MARCHF5: variants seen among roughly 807,000 people sequenced by gnomAD.
MARCHF5 encodes E3 ubiquitin-protein ligase MARCHF5.
A neutral mutation model predicts 36.5 loss-of-function variants in MARCHF5; 5 were observed. The ratio of observed to expected loss-of-function variants is 0.14; its 90% confidence interval spans 0.07 to 0.29. The LOEUF (loss-of-function observed/expected upper bound fraction) is 0.29. MARCHF5 is among the 10% of genes least tolerant of loss of function. The pLI, the probability that MARCHF5 is intolerant of heterozygous loss-of-function variation, is 1.00. For synonymous variants in MARCHF5, 103 were observed against 109.9 expected, an observed-to-expected ratio of 0.94 and a Z score of 0.39; for missense variants, 179 against 336.3, an observed-to-expected ratio of 0.53 and a Z score of 3.66.
intron 1 of MARCHF5, among the ~76,000 whole-genome samples, chr10:92,304,787 T>C (rs1394019523): frequency 2.6e-5 from 4 of 152,162 alleles, no homozygotes; most frequent in Non-Finnish European, 4.4e-5. Context: ...CTCATTCAGA[T>C]TTACCGATCC....
intron 2 of MARCHF5, among the ~76,000 whole-genome samples, chr10:92,336,855 G>C (rs1287034284): frequency 6.6e-6 from 1 of 152,206 alleles, no homozygotes; most frequent in African/African-American, 2.4e-5. Flanking sequence ...TGGCCCAGTG[G>C]CTCACTGCTG....
At chr10:92,340,604 A>G in intron 2 of MARCHF5, 69 bp from the exon 3 acceptor site, 1 of 1,438,866 alleles carries the variant, frequency 6.9e-7, no homozygotes, top group Non-Finnish European at 9.4e-7. Flanking sequence ...GATCTATAGA[A>G]AATATCAAAC....
At position 92,340,824 on chromosome 10, in the gene MARCHF5, A is replaced by G. The variant is rs41313479; in HGVS notation, c.369+21A>G. Reference sequence around the variant, plus strand: ...TGCAGGTTCACTATTTTACCTATATAGTGATATTACTTGGTGTGAAGATCT... The same window carrying G: ...TGCAGGTTCACTATTTTACCTATATGGTGATATTACTTGGTGTGAAGATCT... On this transcript the variant is annotated intron_variant, in intron 3 of 5. Coordinates refer to ENST00000358935, the MANE Select transcript of MARCHF5 (RefSeq NM_017824.5). 9.5e-3 allele frequency: 14,935 copies of G among 1,571,306 alleles called. 92 individuals carry two copies. The highest frequency in any genetic ancestry group is 0.011 in the Non-Finnish European group (13,016 of 1,158,996).
At chr10:92,346,914 A>C (rs1029973245) in intron 3 of MARCHF5, among the ~76,000 whole-genome samples, 3 of 152,098 alleles carry the variant, frequency 2.0e-5, no homozygotes, top group African/African-American at 4.8e-5. Context: ...TTCTAAACCC[A>C]AAAAAAGGAC....
intron 5 of MARCHF5, 101 bp from the exon 6 acceptor site, chr10:92,350,990 G>A (rs1381572917): frequency 6.0e-6 from 4 of 664,152 alleles, no homozygotes; most frequent in East Asian, 2.7e-5. Flanking sequence ...AATTAGTTTA[G>A]CATCAAAGCC....
At chr10:92,305,230 A>ACC (rs1182095192) in intron 1 of MARCHF5, among the ~76,000 whole-genome samples, 1 of 151,838 alleles carries the variant, frequency 6.6e-6, no homozygotes, top group African/African-American at 2.4e-5. Context: ...AACAAGTGAA[A>ACC]CCCCGTCTCT....
chr10:92,317,900 G>A (rs549902521), intron 2 of MARCHF5, among the ~76,000 whole-genome samples: 4 of 151,924 alleles, frequency 2.6e-5, no homozygotes, highest in East Asian at 3.9e-4. Flanking sequence ...ACAGGCACAC[G>A]CCACCATGCC....
rs368408504 is a variant in MARCHF5, at chr10:92,319,590, G to A, written c.238+8253G>A. On this transcript the variant is annotated intron_variant, in intron 2 of 5. Transcript: ENST00000358935. ...ATTACAGGCGTGAGCCACCGCGCCC[G>A]GCCTCTACTTTACTTTTTATCATTA... 6.6e-5 allele frequency among the ~76,000 whole-genome samples: 10 copies of A among 151,698 alleles called. No homozygotes were observed. In the South Asian group the frequency reaches 1.7e-3, roughly 25 times the overall value.
chr10:92,331,278 T>A (rs1459822157), intron 2 of MARCHF5, among the ~76,000 whole-genome samples: 1 of 152,160 alleles, frequency 6.6e-6, no homozygotes, highest in Non-Finnish European at 1.5e-5. Flanking sequence ...CTGCTTGGTT[T>A]TACCTTGATT....
At chr10:92,348,318 G>A (rs779670302) in intron 3 of MARCHF5, among the ~76,000 whole-genome samples, 60 of 151,882 alleles carry the variant, frequency 4.0e-4, no homozygotes, top group Non-Finnish European at 6.5e-4. Flanking sequence ...ATGAAACCTC[G>A]TCTCTACTAA....
intron 1 of MARCHF5, among the ~76,000 whole-genome samples, chr10:92,296,659 T>C (rs1321166617): frequency 6.6e-6 from 1 of 152,140 alleles, no homozygotes; most frequent in Non-Finnish European, 1.5e-5. Context: ...TTTGTTGAGG[T>C]TGTTTTGCAT....
At position 92,322,368 on chromosome 10, in the gene MARCHF5, G is replaced by A. The variant is rs556734112; in HGVS notation, c.238+11031G>A. ...CCTTTCTTCCTTCTGCTTGATTTGG[G>A]TTTAGTTTGCTTTTCTCCTTTTAGT... is the stretch of plus-strand genomic sequence containing the variant. On this transcript the variant is annotated intron_variant, in intron 2 of 5. Transcript: ENST00000358935. 2.1e-5 allele frequency among the ~76,000 whole-genome samples: 3 copies of A among 145,964 alleles called. No homozygotes were observed. In the South Asian group the frequency reaches 6.5e-4, roughly 31 times the overall value.
chr10:92,327,361 A>G (rs1347369728), intron 2 of MARCHF5, among the ~76,000 whole-genome samples: 1 of 151,960 alleles, frequency 6.6e-6, no homozygotes, highest in African/African-American at 2.4e-5. Flanking sequence ...TTAAAAAAAA[A>G]AACTGTGTTC....
chr10:92,347,550 T>C (rs565592275), intron 3 of MARCHF5, among the ~76,000 whole-genome samples: 2 of 151,804 alleles, frequency 1.3e-5, no homozygotes, highest in East Asian at 3.9e-4. Flanking sequence ...GATAGATAGA[T>C]AGATAGATAA....
At chr10:92,310,196 T>C (rs956983188) in intron 1 of MARCHF5, among the ~76,000 whole-genome samples, 1 of 152,194 alleles carries the variant, frequency 6.6e-6, no homozygotes, top group African/African-American at 2.4e-5. Flanking sequence ...AAGCCACTTA[T>C]CCAATTAATT....
intron 3 of MARCHF5, among the ~76,000 whole-genome samples, chr10:92,348,936 G>C (rs11186933): frequency 0.02 from 3,053 of 152,328 alleles, 64 homozygotes; most frequent in Non-Finnish European, 0.034. Context: ...CCTCTTGGCT[G>C]GCTATGCTTA....
At chr10:92,340,562 A>ACCGT in intron 2 of MARCHF5, 111 bp from the exon 3 acceptor site, 1 of 989,332 alleles carries the variant, frequency 1.0e-6, no homozygotes, top group Non-Finnish European at 1.5e-6. Flanking sequence ...ACAAAGTGAG[A>ACCGT]CCCTGTGTCT....
At chr10:92,347,790 C>G (rs934162258) in intron 3 of MARCHF5, among the ~76,000 whole-genome samples, 2 of 152,172 alleles carry the variant, frequency 1.3e-5, no homozygotes, top group Non-Finnish European at 2.9e-5. Flanking sequence ...AGGCTAGCCT[C>G]CTGCCCTTTA....
intron 1 of MARCHF5, among the ~76,000 whole-genome samples, chr10:92,307,775 G>A (rs1207593339): frequency 2.6e-5 from 4 of 151,902 alleles, no homozygotes; most frequent in Admixed American, 6.6e-5. Context: ...CTTGGGAGGC[G>A]GAGGCATGAG....
Sources: gnomAD v4.1 joint callset for allele counts (sites outside exome capture counted in the v4.1 genomes callset) on GRCh38, gnomAD v4.1.1 for gene constraint, MANE v1.5 for transcripts, NCBI Gene and HGNC (gene_info 2026-07-23, HGNC 2026-07-21) for gene names.